Variants in ZNF718 observed in about 807,000 individuals in gnomAD.
ZNF718 encodes the protein zinc finger protein 718.
A neutral mutation model predicts 2.6 loss-of-function variants in ZNF718; 3 were observed. The observed-to-expected ratio is 1.16, with a 90% CI of 0.53 to 3.01. The LOEUF (loss-of-function observed/expected upper bound fraction) is 3.01. ZNF718 is among the 30% of genes most tolerant of loss of function. The pLI is 0.03. For synonymous variants in ZNF718, 135 were observed against 77.9 expected, an observed-to-expected ratio of 1.73 and a Z score of -3.86; for missense variants, 468 against 230.0, an observed-to-expected ratio of 2.03 and a Z score of -6.69.
At chr4:194,929 A>G (rs781874880) in intron 3 of ZNF718, among the ~76,000 whole-genome samples, 16 of 152,142 alleles carry the variant, frequency 1.1e-4, no homozygotes, top group Non-Finnish European at 1.9e-4. Flanking sequence ...GTGTGTAACC[A>G]CCCATGGACC....
chr4:176,630 G>A (rs1553819118), intron 3 of ZNF718, among the ~76,000 whole-genome samples: 1 of 152,062 alleles, frequency 6.6e-6, no homozygotes. Flanking sequence ...TATCCAAAAT[G>A]ATGCCACTGA....
chr4:161,913 C>A lies in ZNF718; in HGVS notation c.1228C>A (p.Leu410Met). The A allele has an allele frequency of 1.3e-6, 1 of 779,942 alleles. No homozygotes were observed. The highest frequency in any genetic ancestry group is 2.4e-6 in the Non-Finnish European group (1 of 417,630). 48.3% of individuals were successfully genotyped at this position (779,942 alleles called of 1,614,324 possible). The change falls in exon 4 of 4, where the codon CTG (leucine) becomes ATG (methionine). Residue 410 changes from leucine to methionine, a missense_variant. Physicochemically the swap from Leu to Met is conservative, Grantham distance 15 (BLOSUM62 2). Transcript: ENST00000510175. ...CAAAGCCTTTAAAGTGTTTGCAAAC[C>A]TGCATAATCATAAGAAAATTCATAC... ...CGKAFKVFAN[L>M]HNHKKIHTGE...
chr4:147,419 C>T (rs974887162), intron 3 of ZNF718, among the ~76,000 whole-genome samples: 3 of 152,030 alleles, frequency 2.0e-5, no homozygotes, highest in Non-Finnish European at 2.9e-5. Context: ...TGGACTGATG[C>T]GATTTCTGCT....
chr4:167,042 G>A (rs577020279), downstream of ZNF718, among the ~76,000 whole-genome samples: 45 of 152,232 alleles, frequency 3.0e-4, no homozygotes, highest in African/African-American at 1.1e-3. Context: ...GTGTAAGGAA[G>A]GGATCCAGTT....
At chr4:165,572 G>C (rs1717067114), downstream of ZNF718, among the ~76,000 whole-genome samples, 1 of 152,208 alleles carries the variant, frequency 6.6e-6, no homozygotes, top group Non-Finnish European at 1.5e-5. Context: ...GCTGAGGTGG[G>C]TGGATAACCT....
chr4:166,404 A>G (rs2108807979), downstream of ZNF718, among the ~76,000 whole-genome samples: 1 of 152,318 alleles, frequency 6.6e-6, no homozygotes, highest in African/African-American at 2.4e-5. Context: ...TTCTAGTTCA[A>G]GATCCCTGAG....
At chr4:181,440 A>G (rs1481888442) in intron 3 of ZNF718, among the ~76,000 whole-genome samples, 1 of 151,998 alleles carries the variant, frequency 6.6e-6, no homozygotes, top group Non-Finnish European at 1.5e-5. Flanking sequence ...TAGAGATATA[A>G]TCAATTTTTA....
chr4:154,203 G>A (rs782261965), intron 3 of ZNF718, among the ~76,000 whole-genome samples: 4 of 152,160 alleles, frequency 2.6e-5, no homozygotes, highest in African/African-American at 7.2e-5. Flanking sequence ...ATGGAACTGT[G>A]AGTCCATTAA....
intron 3 of ZNF718, among the ~76,000 whole-genome samples, chr4:176,473 T>C (rs957804349): frequency 4.6e-5 from 7 of 152,166 alleles, no homozygotes; most frequent in African/African-American, 1.4e-4. Context: ...AGAACTCTTA[T>C]GGGTGGGTGC....
At chr4:202,069 G>A (rs1390834417) in exon 5 of ZNF718, 1 of 152,282 alleles carries the variant, frequency 6.6e-6, no homozygotes, top group East Asian at 1.9e-4. Flanking sequence ...CGTTGTGAGA[G>A]GGACCTGGTG....
At chr4:159,196 T>C (rs1294808011) in intron 3 of ZNF718, among the ~76,000 whole-genome samples, 1 of 151,790 alleles carries the variant, frequency 6.6e-6, no homozygotes, top group East Asian at 1.9e-4. Flanking sequence ...GCACCACACC[T>C]GGCTAATTTT....
At chr4:177,362 G>GA (rs1717370001) in intron 3 of ZNF718, among the ~76,000 whole-genome samples, 1 of 152,300 alleles carries the variant, frequency 6.6e-6, no homozygotes, top group South Asian at 2.1e-4. Context: ...TATGCTAGGA[G>GA]AAAAATGCTG....
Position 132,672 on chromosome 4 carries a change from T to C in ZNF718, c.226+1167T>C, listed in dbSNP as rs1715376390. Among the ~76,000 whole-genome samples, 4 of 104,576 alleles carry C rather than the reference T, an allele frequency of 3.8e-5. 2 individuals are homozygous for C. The highest frequency in any genetic ancestry group is 1.3e-4 in the African/African-American group (4 of 30,280). 68.6% of individuals were successfully genotyped at this position (104,576 alleles called of 152,430 possible). ...TGCAAATGTAATTCTACAAAAATTCTTACTCAGCAATTTTATCAGAACAAT... is the reference window on the plus strand; with the variant it reads ...TGCAAATGTAATTCTACAAAAATTCCTACTCAGCAATTTTATCAGAACAAT... On this transcript the variant is annotated intron_variant, in intron 3 of 3. Transcript: ENST00000510175.
Position 124,540 on chromosome 4 carries a change from C to G in ZNF718, c.-131C>G, listed in dbSNP as rs1241712064. ...GCTCCAGCCAGAGCTCGGTTAGGGC[C>G]TCATCGCTCTGCTCCCGCTCCTTAG... On this transcript the variant is annotated 5_prime_UTR_variant, in exon 1 of 4. Coordinates refer to ENST00000510175, the MANE Select transcript of ZNF718 (RefSeq NM_001039127.6). The G allele has an allele frequency of 1.3e-5, 18 of 1,335,268 alleles. No individual in the cohort carries two copies. Among genetic ancestry groups the G allele is most frequent in the Non-Finnish European group, 1.7e-5 (16 of 945,722 alleles). 82.7% of individuals were successfully genotyped at this position (1,335,268 alleles called of 1,614,324 possible).
At chr4:166,638 TA>T (rs1245514826), downstream of ZNF718, among the ~76,000 whole-genome samples, 5 of 152,258 alleles carry the variant, frequency 3.3e-5, 1 homozygote, top group Non-Finnish European at 5.9e-5. Flanking sequence ...CTTGGCTACC[TA>T]AATGTCTTCT....
chr4:144,965 CTT>C (rs1217241465), intron 3 of ZNF718, among the ~76,000 whole-genome samples: 2 of 151,434 alleles, frequency 1.3e-5, no homozygotes, highest in African/African-American at 4.9e-5. Context: ...CTATATGTCT[CTT>C]TTGTTTGATA....
In ZNF718 at chr4:137,964, T is replaced by C. The variant is rs116617162; in HGVS notation, c.226+6459T>C. Among the ~76,000 whole-genome samples the C allele has an allele frequency of 2.0e-3, 303 of 152,344 alleles. 1 individual carries two copies. The highest frequency in any genetic ancestry group is 6.6e-3 in the African/African-American group (274 of 41,584). On this transcript the variant is annotated intron_variant, in intron 3 of 3. Coordinates refer to ENST00000510175, the MANE Select transcript of ZNF718 (RefSeq NM_001039127.6). ...ATGCTTCTTACATTTAAATATTTAA[T>C]TTATTCAAGATAGTTTTTGTATATG... is the stretch of plus-strand genomic sequence containing the variant.
intron 3 of ZNF718, among the ~76,000 whole-genome samples, chr4:192,922 G>A (rs935225586): frequency 2.6e-5 from 4 of 152,130 alleles, no homozygotes; most frequent in Non-Finnish European, 5.9e-5. Context: ...CTTTTAAAAG[G>A]CCTGGTCCAG....
chr4:179,620 G>T (rs374680185), intron 3 of ZNF718, among the ~76,000 whole-genome samples: 1 of 152,166 alleles, frequency 6.6e-6, no homozygotes, highest in Non-Finnish European at 1.5e-5. Context: ...CCTGTCTCTG[G>T]ACTCCTGCAC....
Sources: allele counts gnomAD v4.1 joint callset (sites outside exome capture counted in the v4.1 genomes callset), GRCh38; gene constraint gnomAD v4.1.1; transcripts MANE v1.5; gene names NCBI Gene and HGNC (gene_info 2026-07-23, HGNC 2026-07-21).